The following PPARG variants were observed in gnomAD, a reference collection of about 807,000 sequenced individuals.
PPARG encodes the protein peroxisome proliferator-activated receptor gamma.
PPARG carries 17 observed loss-of-function variants against 39.2 expected under a neutral mutation model. The ratio of observed to expected loss-of-function variants is 0.43; its 90% CI spans 0.30 to 0.65. PPARG has a LOEUF of 0.65. Among genes scored for constraint, PPARG ranks in the 30% least tolerant of loss-of-function variants. The probability of loss-of-function intolerance (pLI) is 0.13; values close to 1 mark genes in which losing one functional copy is unlikely to be tolerated. For missense variants in PPARG, 406 were observed against 585.9 expected (o/e 0.69, Z 3.17); for synonymous variants, 223 against 215.7 (o/e 1.03, Z -0.30).
chr3:12,431,805 C>T (rs958167925), intron 7 of PPARG, among the ~76,000 whole-genome samples: 5 of 151,798 alleles, frequency 3.3e-5, no homozygotes, highest in Admixed American at 6.6e-5. Context: ...TTGGGTGTGG[C>T]GGCTCATGCC....
At chr3:12,422,734 G>A (rs920664375) in intron 7 of PPARG, among the ~76,000 whole-genome samples, 1 of 151,854 alleles carries the variant, frequency 6.6e-6, no homozygotes, top group Non-Finnish European at 1.5e-5. Context: ...ACAAAAATTA[G>A]CCAGGTGTGG....
chr3:12,373,756 T>C (rs1437872260), intron 2 of PPARG, among the ~76,000 whole-genome samples: 1 of 152,128 alleles, frequency 6.6e-6, no homozygotes, highest in East Asian at 1.9e-4. Context: ...ATGGTGGAGA[T>C]AGTTATCCAG....
intron 2 of PPARG, among the ~76,000 whole-genome samples, chr3:12,365,527 A>G (rs897061502): frequency 2.6e-5 from 4 of 151,976 alleles, no homozygotes; most frequent in African/African-American, 4.8e-5. Context: ...ATTTAGATCT[A>G]TGTTCCATTT....
At chr3:12,406,650 A>G (rs985177320) in intron 6 of PPARG, 1 of 154,570 alleles carries the variant, frequency 6.5e-6, no homozygotes, top group Admixed American at 6.6e-5. Context: ...AGCGATTATC[A>G]TGCCTCAGCA....
At chr3:12,297,852 G>A (rs1351724379) in intron 1 of PPARG, 3 of 150,702 alleles carry the variant, frequency 2.0e-5, no homozygotes. Context: ...TTCTAAAATT[G>A]AATGACCTCA....
chr3:12,332,788 T>C (rs2047898449), intron 2 of PPARG, among the ~76,000 whole-genome samples: 1 of 152,180 alleles, frequency 6.6e-6, no homozygotes, highest in Admixed American at 6.5e-5. Flanking sequence ...CCCAGCACTT[T>C]GGGAGACCAA....
At chr3:12,317,048 A>G (rs527821840) in intron 2 of PPARG, among the ~76,000 whole-genome samples, 1 of 152,314 alleles carries the variant, frequency 6.6e-6, no homozygotes, top group East Asian at 1.9e-4. Flanking sequence ...GCAAATCACA[A>G]TTCTGTAAAT....
At chr3:12,389,021 G>C (rs1372507563) in intron 4 of PPARG, among the ~76,000 whole-genome samples, 1 of 152,152 alleles carries the variant, frequency 6.6e-6, no homozygotes, top group Non-Finnish European at 1.5e-5. Flanking sequence ...TCCAGGATCT[G>C]CTGGAATTTG....
At chr3:12,432,149 C>T (rs1021150045) in intron 7 of PPARG, among the ~76,000 whole-genome samples, 1 of 152,114 alleles carries the variant, frequency 6.6e-6, no homozygotes, top group Non-Finnish European at 1.5e-5. Context: ...TTCTAAGAAA[C>T]CGTCAGGGAA....
At chr3:12,364,000 C>T (rs1437350515) in intron 2 of PPARG, among the ~76,000 whole-genome samples, 1 of 146,112 alleles carries the variant, frequency 6.8e-6, no homozygotes, top group Non-Finnish European at 1.5e-5. Flanking sequence ...CCCCCACTAT[C>T]AACATCCTGC....
chr3:12,429,463 A>G (rs2051575475), intron 7 of PPARG, among the ~76,000 whole-genome samples: 1 of 150,404 alleles, frequency 6.6e-6, no homozygotes, highest in African/African-American at 2.5e-5. Flanking sequence ...CCCGCTTGTC[A>G]TCCCAGCACT....
intron 5 of PPARG, among the ~76,000 whole-genome samples, chr3:12,395,426 GT>G (rs1230554018): frequency 6.6e-6 from 1 of 152,236 alleles, no homozygotes; most frequent in Non-Finnish European, 1.5e-5. Context: ...ATGTAGTAAT[GT>G]AGCCTGAGAG....
chr3:12,373,663 A>T (rs1029973375), intron 2 of PPARG, among the ~76,000 whole-genome samples: 1 of 144,024 alleles, frequency 6.9e-6, no homozygotes, highest in Non-Finnish European at 1.5e-5. Context: ...GAATTTGGTT[A>T]AAAAAAAAAA....
intron 7 of PPARG, among the ~76,000 whole-genome samples, chr3:12,429,552 C>CAAAAAAA (rs753288907): frequency 4.9e-4 from 49 of 99,564 alleles, no homozygotes; most frequent in African/African-American, 1.6e-3. Flanking sequence ...CTGTCTCTAC[C>CAAAAAAA]AAAAAAAAAA....
intron 2 of PPARG, among the ~76,000 whole-genome samples, chr3:12,314,153 C>T (rs905919029): frequency 6.6e-6 from 1 of 152,004 alleles, no homozygotes; most frequent in East Asian, 1.9e-4. Flanking sequence ...GGCGGATGCC[C>T]ATAATCCCAG....
At chr3:12,418,361 A>G (rs1369790218) in intron 7 of PPARG, among the ~76,000 whole-genome samples, 1 of 152,156 alleles carries the variant, frequency 6.6e-6, no homozygotes, top group African/African-American at 2.4e-5. Context: ...AAGTTTTCCT[A>G]TTGAAGTGGA....
At chr3:12,316,919 C>G (rs962751187) in intron 2 of PPARG, among the ~76,000 whole-genome samples, 3 of 151,884 alleles carry the variant, frequency 2.0e-5, no homozygotes, top group Non-Finnish European at 4.4e-5. Context: ...AGAAAAGCCC[C>G]GTAAGAAATA....
chr3:12,301,815 A>T (rs565198454), intron 1 of PPARG: 71 of 152,310 alleles, frequency 4.7e-4, no homozygotes, highest in African/African-American at 1.6e-3. Context: ...TTACCAAGAG[A>T]AGATAATATA....
chr3:12,424,991 A>G (rs1177809), intron 7 of PPARG, among the ~76,000 whole-genome samples: 42,593 of 152,110 alleles, frequency 0.28, 6,676 homozygotes, highest in East Asian at 0.41. Context: ...GCGCCACTCA[A>G]TCCTGCCAGT....
Sources: gnomAD v4.1 joint callset for allele counts (sites outside exome capture counted in the v4.1 genomes callset) on GRCh38, gnomAD v4.1.1 for gene constraint, MANE v1.5 for transcripts, NCBI Gene and HGNC (gene_info 2026-07-23, HGNC 2026-07-21) for gene names.